CPA3: variants seen among roughly 807,000 people sequenced by gnomAD.
CPA3 encodes mast cell carboxypeptidase A.
A neutral mutation model predicts 55.8 loss-of-function variants in CPA3; 52 were observed. The ratio of observed to expected loss-of-function variants is 0.93; its 90% CI spans 0.75 to 1.17. The LOEUF (loss-of-function observed/expected upper bound fraction) is 1.17. Ranked by LOEUF, CPA3 falls within the 50% of genes most tolerant of loss-of-function variation. The pLI is 0.00. For missense variants in CPA3, 547 were observed against 509.1 expected, an observed-to-expected ratio of 1.07 and a Z score of -0.72; for synonymous variants, 179 against 171.2, an observed-to-expected ratio of 1.05 and a Z score of -0.36.
chr3:148,869,085 T>C, intron 3 of CPA3, 46 bp downstream of exon 3: 1 of 1,601,984 alleles, frequency 6.2e-7, no homozygotes, highest in Non-Finnish European at 8.5e-7. Flanking sequence ...TTCAAAGTTT[T>C]GGGAGCCTTG....
At chr3:148,870,940 C>T (rs901685714) in intron 3 of CPA3, among the ~76,000 whole-genome samples, 7 of 152,124 alleles carry the variant, frequency 4.6e-5, no homozygotes, top group Non-Finnish European at 1.0e-4. Flanking sequence ...GCTCTGTCAC[C>T]CAGACTGGAG....
chr3:148,875,258 C>A (rs1327477068), intron 3 of CPA3, among the ~76,000 whole-genome samples: 2 of 152,176 alleles, frequency 1.3e-5, no homozygotes, highest in Non-Finnish European at 1.5e-5. Context: ...AATACATGTG[C>A]ATTTCATTAC....
Position 148,890,402 on chromosome 3 carries a change from T to C in CPA3, c.1066+4225T>C, listed in dbSNP as rs551184486. ...AAAAGTTAATTTCAAAGTACATTTC[T>C]TGTAGCTTCCTTTGTGTACCAAAAT... On this transcript the variant is annotated intron_variant, in intron 10 of 10. Coordinates refer to ENST00000296046, the MANE Select transcript of CPA3 (RefSeq NM_001870.4). 1.2e-4 allele frequency among the ~76,000 whole-genome samples: 19 copies of C among 152,332 alleles called. No homozygotes were observed. The South Asian group carries it at 3.9e-3, about 32-fold the overall frequency.
At chr3:148,868,699 A>ATCAGGCAC (rs1713976606) in intron 2 of CPA3, among the ~76,000 whole-genome samples, 1 of 151,838 alleles carries the variant, frequency 6.6e-6, no homozygotes, top group African/African-American at 2.4e-5. Context: ...AAAAAAAGTG[A>ATCAGGCAC]TCAGGCACTA....
intron 3 of CPA3, chr3:148,870,091 T>TCAA: frequency 2.4e-5 from 1 of 41,824 alleles, no homozygotes; most frequent in African/African-American, 1.0e-4. Context: ...AGACTCCATC[T>TCAA]CAAAAAAAAA....
intron 8 of CPA3, among the ~76,000 whole-genome samples, chr3:148,882,940 T>C (rs1220094159): frequency 2.0e-5 from 3 of 152,246 alleles, no homozygotes; most frequent in African/African-American, 4.8e-5. Flanking sequence ...AAAAGCAACA[T>C]ACAGACAGTT....
At chr3:148,892,693 A>G (rs972964664) in intron 10 of CPA3, among the ~76,000 whole-genome samples, 1 of 148,474 alleles carries the variant, frequency 6.7e-6, no homozygotes, top group African/African-American at 2.5e-5. Context: ...CCAAAGCAAA[A>G]CTGTCTGGGT....
chr3:148,876,182 A>G (rs1714197413), intron 3 of CPA3, among the ~76,000 whole-genome samples: 1 of 140,368 alleles, frequency 7.1e-6, no homozygotes, highest in South Asian at 2.3e-4. Flanking sequence ...GTAGTGAGAA[A>G]AAAAGTCAAA....
chr3:148,891,517 C>T (rs866635931), intron 10 of CPA3, among the ~76,000 whole-genome samples: 4 of 134,394 alleles, frequency 3.0e-5, no homozygotes, highest in African/African-American at 1.3e-4. Context: ...CACACATACA[C>T]ACACACACAC....
chr3:148,890,204 T>C (rs191607831), intron 10 of CPA3, among the ~76,000 whole-genome samples: 70 of 152,256 alleles, frequency 4.6e-4, no homozygotes, highest in African/African-American at 1.5e-3. Flanking sequence ...AAAAAGTAAA[T>C]AGTAATGTTT....
intron 5 of CPA3, 23 bp downstream of exon 5, chr3:148,878,771 T>A: frequency 7.5e-7 from 1 of 1,325,316 alleles, no homozygotes; most frequent in Non-Finnish European, 1.1e-6. Context: ...CAAGAACCAC[T>A]AATTCTTATT....
At position 148,878,528 on chromosome 3, in the gene CPA3, C is replaced by A. The variant is rs757624575; in HGVS notation, c.357C>A (p.Tyr119Ter). ...DIPGRHSYAKYNNWEKIVAWT... is the reference protein window; with the variant it reads ...DIPGRHSYAK ...CAGGCAGGCACAGCTACGCAAAATA[C>A]AATAATTGGGAAAAGGTACAGTAAA... Residue 119 changes from tyrosine to a stop codon, truncating the protein, a stop_gained, in exon 4 of 11, where the codon TAC becomes TAA. Transcript: ENST00000296046. LOFTEE classifies it high-confidence loss of function. 1 of 1,611,410 alleles carries A rather than the reference C, an allele frequency of 6.2e-7. No homozygotes were observed. The highest frequency in any genetic ancestry group is 1.1e-5 in the South Asian group (1 of 90,750).
chr3:148,865,871 T>A (rs1713888418), intron 2 of CPA3, among the ~76,000 whole-genome samples: 1 of 152,184 alleles, frequency 6.6e-6, no homozygotes, highest in African/African-American at 2.4e-5. Flanking sequence ...TCCCTCTCCA[T>A]TCTCCCCACT....
chr3:148,884,679 C>T (rs1426749445), intron 9 of CPA3, among the ~76,000 whole-genome samples: 3 of 152,054 alleles, frequency 2.0e-5, no homozygotes, highest in Non-Finnish European at 4.4e-5. Flanking sequence ...CTGAATCAGT[C>T]ATTAAAATCA....
Position 148,882,614 on chromosome 3 carries a change from A to C in CPA3, c.778+19A>C. The C allele has an allele frequency of 6.3e-7, 1 of 1,597,112 alleles. No individual in the cohort carries two copies. The highest frequency in any genetic ancestry group is 8.6e-7 in the Non-Finnish European group (1 of 1,165,182). On this transcript the variant is annotated intron_variant, in intron 8 of 10. Transcript: ENST00000296046. ...TGGAACTGTGAGTAGCAGACTTGCT[A>C]TCAAGGAAAATTGCTATAAGGAATA...
At chr3:148,865,964 A>T (rs1298153554) in intron 2 of CPA3, among the ~76,000 whole-genome samples, 2 of 152,174 alleles carry the variant, frequency 1.3e-5, no homozygotes, top group Non-Finnish European at 2.9e-5. Flanking sequence ...TCAAGATGTG[A>T]CCCTTTCCAA....
intron 7 of CPA3, among the ~76,000 whole-genome samples, 169 bp downstream of exon 7, chr3:148,881,801 A>G (rs938480951): frequency 6.6e-6 from 1 of 152,222 alleles, no homozygotes; most frequent in African/African-American, 2.4e-5. Context: ...TTGCATAGGT[A>G]TCCTTGAAAT....
Position 148,865,479 on chromosome 3 carries a change from G to A in CPA3, c.75G>A (p.Lys25=), listed in dbSNP as rs751125624. Residue 25 remains lysine, a synonymous_variant, in exon 2 of 11, where the codon AAG becomes AAA. Coordinates refer to ENST00000296046, the MANE Select transcript of CPA3 (RefSeq NM_001870.4). ...AIAPVRFDRE[K]VFRVKPQDEK... ...TTCATTTGCCTCCACAAAGGGAGAA[G>A]GTGTTCCGCGTGAAGCCCCAGGATG... 1.2e-6 allele frequency: 2 copies of A among 1,613,900 alleles called. No homozygotes were observed. Among genetic ancestry groups the A allele is most frequent in the South Asian group, 2.2e-5 (2 of 91,050 alleles).
chr3:148,879,979 C>A, intron 6 of CPA3, 90 bp downstream of exon 6: 1 of 860,288 alleles, frequency 1.2e-6, no homozygotes, highest in South Asian at 1.5e-5. Flanking sequence ...ACACGCAATT[C>A]CACTTAGCTA....
Sources: allele counts gnomAD v4.1 joint callset (sites outside exome capture counted in the v4.1 genomes callset), GRCh38; gene constraint gnomAD v4.1.1; transcripts MANE v1.5; gene names NCBI Gene and HGNC (gene_info 2026-07-23, HGNC 2026-07-21).